Variants in LYPD6 observed in about 807,000 individuals in gnomAD.
LYPD6 encodes LY6/PLAUR domain containing 6, also known as ly6/PLAUR domain-containing protein 6.
Under a neutral mutation model 22.7 loss-of-function variants are expected in LYPD6, and 15 were observed. That is an observed-to-expected ratio of 0.66 (90% confidence interval 0.44 to 1.02). The LOEUF (loss-of-function observed/expected upper bound fraction) is 1.02. Among genes scored for constraint, LYPD6 ranks in the 50% least tolerant of loss-of-function variants. The pLI is 0.00. For missense variants in LYPD6, 189 were observed against 208.4 expected (o/e 0.91, Z 0.57); for synonymous variants, 72 against 77.5 (o/e 0.93, Z 0.37).
At chr2:149,468,860 T>C in intron 4 of LYPD6, 85 bp downstream of exon 4, 3 of 1,418,322 alleles carry the variant, frequency 2.1e-6, no homozygotes, top group Non-Finnish European at 2.9e-6. Context: ...AGCAGATTCT[T>C]ACTCCCCCGT....
chr2:149,346,163 G>T (rs1245229738), intron 1 of LYPD6, among the ~76,000 whole-genome samples: 2 of 152,026 alleles, frequency 1.3e-5, no homozygotes, highest in African/African-American at 2.4e-5. Flanking sequence ...CCACTGCCTG[G>T]CATCTAATAC....
Position 149,471,304 on chromosome 2 carries a change from A to G in LYPD6, c.*454A>G, listed in dbSNP as rs1293647735. 1 of 152,672 alleles carries G rather than the reference A, an allele frequency of 6.5e-6. No individual in the cohort carries two copies. The highest frequency in any genetic ancestry group is 6.5e-5 in the Admixed American group (1 of 15,292). 9.5% of individuals were successfully genotyped at this position (152,672 alleles called of 1,614,324 possible). A position where few individuals can be genotyped will look rare whatever the true frequency, so the allele number is the denominator to read the frequency against. ...ATTTGTAGCTTTAGAATTTTAAAAC[A>G]TTGACTCCAAACTGAATGGACTATT... On this transcript the variant is annotated 3_prime_UTR_variant, in exon 5 of 5. Coordinates refer to ENST00000334166, the MANE Select transcript of LYPD6 (RefSeq NM_194317.5).
intron 1 of LYPD6, among the ~76,000 whole-genome samples, chr2:149,385,222 C>T (rs1207788887): frequency 6.6e-6 from 1 of 152,088 alleles, no homozygotes; most frequent in African/African-American, 2.4e-5. Context: ...TTCATTAGCG[C>T]CTGATGTATT....
chr2:149,401,591 A>G (rs139031746), intron 1 of LYPD6, among the ~76,000 whole-genome samples: 89 of 152,238 alleles, frequency 5.8e-4, no homozygotes, highest in Middle Eastern at 3.4e-3. Context: ...CACATTTTCT[A>G]TATCTGGTGG....
intron 1 of LYPD6, among the ~76,000 whole-genome samples, chr2:149,416,869 G>T (rs192703026): frequency 2.6e-5 from 4 of 152,312 alleles, no homozygotes; most frequent in African/African-American, 9.6e-5. Context: ...CTAGTGTTCT[G>T]TGAGGCCTGC....
At chr2:149,337,924 G>A (rs1457537707) in intron 1 of LYPD6, among the ~76,000 whole-genome samples, 1 of 152,124 alleles carries the variant, frequency 6.6e-6, no homozygotes, top group African/African-American at 2.4e-5. Flanking sequence ...TAGGATAATG[G>A]CCTCCAGCTT....
chr2:149,464,298 C>A lies in LYPD6; in HGVS notation c.218-4347C>A, dbSNP rs769307207. 1.6e-5 allele frequency: 5 copies of A among 320,792 alleles called. No individual in the cohort carries two copies. In the Admixed American group the frequency reaches 2.0e-4, roughly 13 times the overall value. 19.9% of individuals were successfully genotyped at this position (320,792 alleles called of 1,614,324 possible). On this transcript the variant is annotated intron_variant, in intron 3 of 4. Coordinates refer to ENST00000334166, the MANE Select transcript of LYPD6 (RefSeq NM_194317.5). ...CAGGAAGATTTCACAGAATTTATCA[C>A]ATTTGGATTGAGCCTTGAAGAATAT...
At chr2:149,479,399 A>G in the LYPD6 span, among the ~76,000 whole-genome samples, 3 of 151,638 alleles carry the variant, frequency 2.0e-5, no homozygotes, top group East Asian at 1.9e-4. Flanking sequence ...TCCCCCTCAG[A>G]CTCCTTCTAT....
intron 1 of LYPD6, among the ~76,000 whole-genome samples, chr2:149,333,079 CATT>C (rs1680969728): frequency 6.6e-6 from 1 of 152,120 alleles, no homozygotes; most frequent in African/African-American, 2.4e-5. Context: ...ATGAATATCT[CATT>C]AGTGCTATTC....
At chr2:149,354,890 A>G (rs1170054792) in intron 1 of LYPD6, among the ~76,000 whole-genome samples, 1 of 152,160 alleles carries the variant, frequency 6.6e-6, no homozygotes. Context: ...CTCACTCACA[A>G]TGTGCAGATT....
At chr2:149,354,326 G>A (rs1156315337) in intron 1 of LYPD6, among the ~76,000 whole-genome samples, 1 of 152,226 alleles carries the variant, frequency 6.6e-6, no homozygotes, top group East Asian at 1.9e-4. Context: ...TCCTGCCTCA[G>A]CCTCCTGAGT....
At chr2:149,440,911 T>C (rs1234125730) in intron 2 of LYPD6, among the ~76,000 whole-genome samples, 2 of 151,822 alleles carry the variant, frequency 1.3e-5, no homozygotes, top group Admixed American at 6.6e-5. Context: ...TTCACCGTGT[T>C]AGCCAGGATG....
Position 149,468,665 on chromosome 2 carries a change from C to T in LYPD6, c.238C>T (p.Gln80Ter). ...CPRETRYCYT[Q>*]HTMEVTGNSI... Reference sequence around the variant, plus strand: ...GACAGAGACCAGATACTGCTACACTCAGCACACAATGGAAGTCACAGGAAA... The same window carrying T: ...GACAGAGACCAGATACTGCTACACTTAGCACACAATGGAAGTCACAGGAAA... Residue 80 changes from glutamine (Q) to a stop codon, truncating the protein, a stop_gained, in exon 4 of 5, where the codon CAG (glutamine) becomes TAG (stop). Coordinates refer to ENST00000334166, the MANE Select transcript of LYPD6 (RefSeq NM_194317.5). LOFTEE classifies it high-confidence loss of function. 2 of 1,613,548 alleles carry T rather than the reference C, an allele frequency of 1.2e-6. No individual in the cohort carries two copies. The highest frequency in any genetic ancestry group is 1.7e-6 in the Non-Finnish European group (2 of 1,179,664).
At position 149,427,815 on chromosome 2, in the gene LYPD6, C is replaced by T. The variant is rs144208770; in HGVS notation, c.-71-9823C>T. ...TCACCTAACAATGCATTTCTCAGAGCGTATCCTCGTTGTTAAATGATGTAT... is the reference window on the plus strand; with the variant it reads ...TCACCTAACAATGCATTTCTCAGAGTGTATCCTCGTTGTTAAATGATGTAT... On this transcript the variant is annotated intron_variant, in intron 1 of 4. Transcript: ENST00000334166. Among the ~76,000 whole-genome samples, 714 of 152,256 alleles carry T rather than the reference C, an allele frequency of 4.7e-3. 6 individuals are homozygous for T. The highest frequency in any genetic ancestry group is 0.024 in the Middle Eastern group (7 of 294).
At chr2:149,335,388 A>T (rs1205692572) in intron 1 of LYPD6, among the ~76,000 whole-genome samples, 1 of 152,224 alleles carries the variant, frequency 6.6e-6, no homozygotes, top group African/African-American at 2.4e-5. Context: ...TTCATTTAAT[A>T]GAAAAAAAGC....
At chr2:149,450,999 T>C (rs1428709399) in intron 3 of LYPD6, among the ~76,000 whole-genome samples, 1 of 152,212 alleles carries the variant, frequency 6.6e-6, no homozygotes, top group East Asian at 1.9e-4. Context: ...GCTGTTGCCC[T>C]GTTGGTCAGA....
At chr2:149,485,970 G>A in the LYPD6 span, among the ~76,000 whole-genome samples, 3 of 152,046 alleles carry the variant, frequency 2.0e-5, no homozygotes, top group Non-Finnish European at 4.4e-5. Flanking sequence ...AACATTTCTG[G>A]CTGCCATTCA....
At chr2:149,412,392 A>G (rs1385204412) in intron 1 of LYPD6, among the ~76,000 whole-genome samples, 1 of 151,244 alleles carries the variant, frequency 6.6e-6, no homozygotes, top group Non-Finnish European at 1.5e-5. Context: ...GTGTTTAGAG[A>G]TGACACTTAT....
chr2:149,445,275 A>G (rs1683662021), intron 2 of LYPD6, among the ~76,000 whole-genome samples: 1 of 152,366 alleles, frequency 6.6e-6, no homozygotes, highest in African/African-American at 2.4e-5. Flanking sequence ...TTTATAGAGC[A>G]CAGAGTAGAC....
Sources: allele counts gnomAD v4.1 joint callset (sites outside exome capture counted in the v4.1 genomes callset), GRCh38; gene constraint gnomAD v4.1.1; transcripts MANE v1.5; gene names NCBI Gene and HGNC (gene_info 2026-07-23, HGNC 2026-07-21).